CMYA5: variants seen among roughly 807,000 people sequenced by gnomAD.
CMYA5 encodes the protein cardiomyopathy associated 5.
A neutral mutation model predicts 318.9 loss-of-function variants in CMYA5; 246 were observed. That is an observed-to-expected ratio of 0.77 (90% CI 0.70 to 0.86). The LOEUF (loss-of-function observed/expected upper bound fraction) is 0.86. CMYA5 is among the 40% of genes least tolerant of loss of function. The pLI, the probability that CMYA5 is intolerant of heterozygous loss-of-function variation, is 0.00. For synonymous variants in CMYA5, 1,641 were observed against 1,729.5 expected (o/e 0.95, Z 1.27); for missense variants, 4,589 against 4,678.2 (o/e 0.98, Z 0.56).
Position 79,739,205 on chromosome 5 carries a change from G to A in CMYA5, c.10440G>A (p.Glu3480=), listed in dbSNP as rs373687230. The change falls in exon 2 of 13, where the codon GAG becomes GAA. Residue 3480 remains glutamate (E), a synonymous_variant. Coordinates refer to ENST00000446378, the MANE Select transcript of CMYA5 (RefSeq NM_153610.5). The stretch of plus-strand genomic sequence containing the variant: ...AAAGTACACCTGCTGAACAAAAAGA[G>A]TTGGGCAGCGAGAGGAAAGAAGAAG... ...AEQSTPAEQK[E]LGSERKEEDQ... 6 of 1,613,222 alleles carry A rather than the reference G, an allele frequency of 3.7e-6. No homozygotes were observed. Among genetic ancestry groups the A allele is most frequent in the South Asian group, 2.2e-5 (2 of 90,952 alleles).
In CMYA5 at chr5:79,743,905, T is replaced by G; in HGVS notation, c.10717T>G (p.Phe3573Val). 6.5e-7 allele frequency: 1 copy of G among 1,527,026 alleles called. No individual in the cohort carries two copies. Among genetic ancestry groups the G allele is most frequent in the South Asian group, 1.2e-5 (1 of 81,096 alleles). The allele number at this position is 1,527,026 out of a possible 1,614,324, so 94.6% of individuals were successfully genotyped here. ...AGCCTTTGTTAGTGAGATAGAATCC[T>G]TTTTTAATACCATTGAGGTAAGTTA... The part of the protein sequence containing the change: ...IEAFVSEIES[F>V]FNTIEENCSK... Residue 3573 changes from phenylalanine (F) to valine (V), a missense_variant, in exon 3 of 13, where the codon TTT becomes GTT. Around this residue, in one of 3 missense-constraint regions of CMYA5, gnomAD observed 2,431 missense variants for 2,495.1 expected, o/e 0.97. Transcript: ENST00000446378.
Position 79,790,995 on chromosome 5 carries a change from A to G in CMYA5, c.11715A>G (p.Glu3905=), listed in dbSNP as rs201604155. The G allele has an allele frequency of 5.0e-5, 81 of 1,613,722 alleles. No individual in the cohort carries two copies. In the Middle Eastern group the frequency reaches 6.6e-4, roughly 13 times the overall value. The change falls in exon 11 of 13, where the codon GAA becomes GAG. Residue 3905 remains glutamate (E), a synonymous_variant. Transcript: ENST00000446378. ...GAACCAGATTTCTCTTGTTGAGAGA[A>G]ACAGCTCATCCTGCTCTACACATTT... ...TRGTRFLLLR[E]TAHPALHISS... is the part of the protein sequence containing the mutation.
At chr5:79,693,403 T>C (rs1301604405) in intron 1 of CMYA5, among the ~76,000 whole-genome samples, 1 of 150,406 alleles carries the variant, frequency 6.6e-6, no homozygotes, top group Non-Finnish European at 1.5e-5. Context: ...TGCAGTGGCG[T>C]GATCACGGCT....
intron 9 of CMYA5, among the ~76,000 whole-genome samples, chr5:79,785,873 C>T (rs1829073612): frequency 6.6e-6 from 1 of 152,266 alleles, no homozygotes; most frequent in Non-Finnish European, 1.5e-5. Context: ...ATTCTGACCC[C>T]ATTGTGCACC....
In CMYA5 at chr5:79,729,714, A is replaced by G. The variant is rs1266051186; in HGVS notation, c.949A>G (p.Met317Val). The change falls in exon 2 of 13, where the codon ATG becomes GTG. Residue 317 changes from methionine to valine, a missense_variant. By Grantham distance (21) the Met-to-Val change is conservative. Around this residue, in one of 3 missense-constraint regions of CMYA5, gnomAD observed 2,132 missense variants for 2,131.3 expected, o/e 1.00. Coordinates refer to ENST00000446378, the MANE Select transcript of CMYA5 (RefSeq NM_153610.5). The stretch of plus-strand genomic sequence containing the variant: ...CAAAGGATCAGAGTCCCTAACCTTA[A>G]TGTTCAGTCATGAAGATCAAAAGAA... ...LSKGSESLTL[M>V]FSHEDQKKIY... is the part of the protein sequence containing the mutation. 6.2e-7 allele frequency: 1 copy of G among 1,613,974 alleles called. No individual in the cohort carries two copies. The highest frequency in any genetic ancestry group is 2.2e-5 in the East Asian group (1 of 44,878).
In CMYA5 at chr5:79,789,097, C is replaced by T. The variant is rs1315048888; in HGVS notation, c.11682C>T (p.Ser3894=). 7 of 1,613,784 alleles carry T rather than the reference C, an allele frequency of 4.3e-6. No homozygotes were observed. The South Asian group carries it at 7.7e-5, about 18-fold the overall frequency. Residue 3894 remains serine, a synonymous_variant, in exon 10 of 13, where the codon TCC becomes TCT. Coordinates refer to ENST00000446378, the MANE Select transcript of CMYA5 (RefSeq NM_153610.5). ...AACAGAGTGAAGCTGCTCTCATCTC[C>T]ACCAGAGGTACTTTCTCCTTTGCAC... ...TSEQSEAALI[S]TRGTRFLLLR...
chr5:79,753,608 A>C (rs902382384), intron 6 of CMYA5, among the ~76,000 whole-genome samples: 4 of 150,466 alleles, frequency 2.7e-5, no homozygotes, highest in South Asian at 2.1e-4. Flanking sequence ...ACAACAACAA[A>C]AAACCCCAAA....
At position 79,739,014 on chromosome 5, in the gene CMYA5, G is replaced by C. The variant is rs773758863; in HGVS notation, c.10249G>C (p.Val3417Leu). 2.5e-6 allele frequency: 4 copies of C among 1,613,884 alleles called. No individual in the cohort carries two copies. The highest frequency in any genetic ancestry group is 3.4e-6 in the Non-Finnish European group (4 of 1,179,844). Residue 3417 changes from valine (V) to leucine (L), a missense_variant, in exon 2 of 13, where the codon GTT (valine) becomes CTT (leucine). This residue lies in a region of CMYA5 where 2,431 missense variants were observed against 2,495.1 expected (regional missense o/e 0.97). Coordinates refer to ENST00000446378, the MANE Select transcript of CMYA5 (RefSeq NM_153610.5). ...TGAAGAGAGGCTCCGTAATAGCCCTGTTCAGGATGAGTATGAATTTACAGA... is the reference window on the plus strand; with the variant it reads ...TGAAGAGAGGCTCCGTAATAGCCCTCTTCAGGATGAGTATGAATTTACAGA... ...PSEERLRNSP[V>L]QDEYEFTESL...
chr5:79,707,923 G>A (rs1247067611), intron 1 of CMYA5, among the ~76,000 whole-genome samples: 1 of 152,158 alleles, frequency 6.6e-6, no homozygotes, highest in South Asian at 2.1e-4. Flanking sequence ...TCTGGTGAGG[G>A]CTTGAACCTC....
chr5:79,701,876 C>T (rs1827179872), intron 1 of CMYA5, among the ~76,000 whole-genome samples: 1 of 151,998 alleles, frequency 6.6e-6, no homozygotes, highest in African/African-American at 2.4e-5. Context: ...ACCTGTAATC[C>T]CAGCACTTTG....
chr5:79,697,272 T>C (rs2151074575), intron 1 of CMYA5, among the ~76,000 whole-genome samples: 1 of 152,328 alleles, frequency 6.6e-6, no homozygotes, highest in African/African-American at 2.4e-5. Context: ...TCCCAGTCGC[T>C]GAAGCCTCCT....
At chr5:79,758,334 C>T (rs923222580) in intron 6 of CMYA5, among the ~76,000 whole-genome samples, 1 of 149,454 alleles carries the variant, frequency 6.7e-6, no homozygotes, top group African/African-American at 2.5e-5. Flanking sequence ...AAGTTCGAGA[C>T]CATCCTGGCC....
chr5:79,767,067 T>G (rs1032476622), intron 9 of CMYA5, among the ~76,000 whole-genome samples: 2 of 152,226 alleles, frequency 1.3e-5, no homozygotes, highest in African/African-American at 4.8e-5. Context: ...TATCCATTTC[T>G]TCTACATTTT....
At chr5:79,723,776 GAAAAA>G (rs112255186) in intron 1 of CMYA5, among the ~76,000 whole-genome samples, 2 of 118,378 alleles carry the variant, frequency 1.7e-5, no homozygotes, top group Non-Finnish European at 3.9e-5. Flanking sequence ...ACAAAACAAT[GAAAAA>G]AAAAAAAGAA....
chr5:79,706,938 A>T (rs982594104), intron 1 of CMYA5, among the ~76,000 whole-genome samples: 2 of 151,800 alleles, frequency 1.3e-5, no homozygotes, highest in Non-Finnish European at 2.9e-5. Flanking sequence ...TTCAGCCAGC[A>T]CTCCTTACCC....
chr5:79,695,849 A>G (rs1158901433), intron 1 of CMYA5, among the ~76,000 whole-genome samples: 2 of 152,244 alleles, frequency 1.3e-5, no homozygotes, highest in African/African-American at 4.8e-5. Flanking sequence ...TTGGGCAGAA[A>G]GATATTCCAG....
chr5:79,728,369 G>T (rs1161424368), intron 1 of CMYA5, among the ~76,000 whole-genome samples: 2 of 150,944 alleles, frequency 1.3e-5, no homozygotes, highest in Admixed American at 6.6e-5. Context: ...AGATTTTAAA[G>T]CAGGGGGTGG....
At chr5:79,763,037 G>A (rs1475373916) in intron 8 of CMYA5, 25 bp from the exon 9 acceptor site, 3 of 1,601,090 alleles carry the variant, frequency 1.9e-6, no homozygotes, top group East Asian at 2.2e-5. Context: ...ATTGCTCCAC[G>A]ACTGTCCTGA....
intron 1 of CMYA5, among the ~76,000 whole-genome samples, chr5:79,716,944 C>A (rs546295708): frequency 1.1e-4 from 16 of 152,290 alleles, no homozygotes; most frequent in African/African-American, 3.8e-4. Context: ...AAAATTTGCA[C>A]CATATGGTAA....
Sources: allele counts gnomAD v4.1 joint callset (sites outside exome capture counted in the v4.1 genomes callset), GRCh38; gene constraint gnomAD v4.1.1; regional missense constraint gnomAD v4.1.1; transcripts MANE v1.5; gene names NCBI Gene and HGNC (gene_info 2026-07-23, HGNC 2026-07-21).